The following CCDC39 variants were observed in gnomAD, a reference collection of about 807,000 sequenced individuals.
CCDC39 encodes coiled-coil domain 39 molecular ruler complex subunit.
A neutral mutation model predicts 121.0 loss-of-function variants in CCDC39; 113 were observed. The observed-to-expected ratio is 0.93, with a 90% CI of 0.80 to 1.09. The LOEUF (loss-of-function observed/expected upper bound fraction) is 1.09, where lower values mean the gene tolerates loss of function less well. Ranked by LOEUF, CCDC39 falls within the 50% of genes least tolerant of loss-of-function variation. The pLI, the probability that CCDC39 is intolerant of heterozygous loss-of-function variation, is 0.00. For missense variants in CCDC39, 1,063 were observed against 1,074.7 expected, an observed-to-expected ratio of 0.99 and a Z score of 0.15; for synonymous variants, 349 against 352.2, an observed-to-expected ratio of 0.99 and a Z score of 0.10.
intron 13 of CCDC39, among the ~76,000 whole-genome samples, chr3:180,636,816 A>C (rs1481523069): frequency 2.6e-5 from 4 of 152,168 alleles, no homozygotes; most frequent in Non-Finnish European, 4.4e-5. Context: ...ACTGAGAAAA[A>C]CTATCAGTGG....
At chr3:180,674,462 C>A (rs1165297621) in intron 1 of CCDC39, among the ~76,000 whole-genome samples, 3 of 152,062 alleles carry the variant, frequency 2.0e-5, no homozygotes, top group African/African-American at 7.2e-5. Flanking sequence ...TAATTGAATA[C>A]CCTTTATTTC....
chr3:180,663,444 G>A (rs74929734), intron 2 of CCDC39, among the ~76,000 whole-genome samples: 14,098 of 151,918 alleles, frequency 0.093, 1,118 homozygotes, highest in East Asian at 0.4. Flanking sequence ...AGGCTGAGGC[G>A]GGAGGATCAC....
At chr3:180,678,139 A>T (rs538068730) in intron 1 of CCDC39, among the ~76,000 whole-genome samples, 3 of 152,246 alleles carry the variant, frequency 2.0e-5, no homozygotes, top group African/African-American at 7.2e-5. Context: ...TCCGCTTTAC[A>T]AAAAAAGAAG....
Position 180,616,972 on chromosome 3 carries a change from G to GA in CCDC39, c.2266-7dup, listed in dbSNP as rs1287389353. On this transcript the variant is annotated splice_polypyrimidine_tract_variant and splice_region_variant and intron_variant, in intron 16 of 19. Transcript: ENST00000476379. The stretch of plus-strand genomic sequence containing the variant: ...TCTAATGTATTTTCCATGCTCTGTA[G>GA]AAAAAATATTAACATGTATTTTTTA... 1.6e-6 allele frequency: 2 copies of GA among 1,277,058 alleles called. No homozygotes were observed. Among genetic ancestry groups the GA allele is most frequent in the Non-Finnish European group, 1.1e-6 (1 of 940,856 alleles). 79.1% of individuals were successfully genotyped at this position (1,277,058 alleles called of 1,614,324 possible).
chr3:180,659,597 AAAG>A lies in CCDC39; in HGVS notation c.610-20_610-18del. 6.2e-7 allele frequency: 1 copy of A among 1,608,542 alleles called. No individual in the cohort carries two copies. The highest frequency in any genetic ancestry group is 8.5e-7 in the Non-Finnish European group (1 of 1,177,404). Reference sequence around the variant, plus strand: ...CAATTCTAACTGTCAAACAGAGAGCAAAGAACATTTCTGTGAATTTAAGTGGTT... The same window carrying A: ...CAATTCTAACTGTCAAACAGAGAGCAAACATTTCTGTGAATTTAAGTGGTT... On this transcript the variant is annotated intron_variant, in intron 5 of 19. Transcript: ENST00000476379.
intron 13 of CCDC39, 46 bp downstream of exon 13, chr3:180,641,947 C>T: frequency 1.4e-6 from 2 of 1,382,588 alleles, no homozygotes; most frequent in Non-Finnish European, 2.0e-6. Context: ...CTCCTGACAT[C>T]ATCCTGTTTT....
At chr3:180,670,829 G>A (rs1363308287) in intron 1 of CCDC39, among the ~76,000 whole-genome samples, 2 of 152,094 alleles carry the variant, frequency 1.3e-5, no homozygotes, top group African/African-American at 4.8e-5. Context: ...ACTAGCTAAA[G>A]CAGGGATGAA....
chr3:180,655,410 A>G (rs1711557088), intron 6 of CCDC39, among the ~76,000 whole-genome samples: 1 of 152,236 alleles, frequency 6.6e-6, no homozygotes, highest in African/African-American at 2.4e-5. Context: ...TAGAGACAAT[A>G]ATAAATAGAA....
At chr3:180,673,613 C>T (rs929623823) in intron 1 of CCDC39, among the ~76,000 whole-genome samples, 2 of 152,126 alleles carry the variant, frequency 1.3e-5, no homozygotes, top group Admixed American at 1.3e-4. Flanking sequence ...TTTATTGCAA[C>T]GTTCATTTTG....
chr3:180,639,417 A>G (rs565070027), intron 13 of CCDC39, among the ~76,000 whole-genome samples: 9 of 152,250 alleles, frequency 5.9e-5, no homozygotes, highest in African/African-American at 2.2e-4. Context: ...AAAATGTGGT[A>G]TATATACACC....
At chr3:180,621,219 A>G (rs1245571336) in intron 14 of CCDC39, among the ~76,000 whole-genome samples, 4 of 152,154 alleles carry the variant, frequency 2.6e-5, no homozygotes, top group Non-Finnish European at 5.9e-5. Flanking sequence ...CAGTGCTGCA[A>G]TAAACATAGG....
At chr3:180,642,943 A>C (rs1576942061) in intron 12 of CCDC39, among the ~76,000 whole-genome samples, 2 of 151,928 alleles carry the variant, frequency 1.3e-5, no homozygotes, top group East Asian at 3.8e-4. Context: ...AAATATTTAC[A>C]ATATTTATGA....
At position 180,644,173 on chromosome 3, in the gene CCDC39, G is replaced by C. The variant is rs377319302; in HGVS notation, c.1612C>G (p.Leu538Val). The change falls in exon 12 of 20, where the codon CTT becomes GTT. Residue 538 changes from leucine to valine, a missense_variant. Leu to Val is a conservative substitution (Grantham distance 32). Transcript: ENST00000476379. ...TCTTTCTCTGATCTGTCGATGAAAA[G>C]GTTTAGTTCATTTATTTTGGTCATA... The part of the protein sequence containing the change: ...SLMTKINELN[L>V]FIDRSEKELD... 398 of 1,543,608 alleles carry C rather than the reference G, an allele frequency of 2.6e-4. No homozygotes were observed. The highest frequency in any genetic ancestry group is 3.4e-4 in the Non-Finnish European group (389 of 1,143,582).
At chr3:180,677,166 TTTTATATATATATATATA>T (rs1712245886) in intron 1 of CCDC39, among the ~76,000 whole-genome samples, 2 of 40,920 alleles carry the variant, frequency 4.9e-5, no homozygotes, top group African/African-American at 2.3e-4. Flanking sequence ...ATAATAATAA[TTTTATATATATATATATA>T]TATATATATA....
In CCDC39 at chr3:180,614,973, G is replaced by A; in HGVS notation, c.2774C>T (p.Ser925Phe). The change falls in exon 20 of 20, where the codon TCT (serine) becomes TTT (phenylalanine). Residue 925 changes from serine (S) to phenylalanine (F), a missense_variant. Ser to Phe is a radical substitution (Grantham distance 155). Coordinates refer to ENST00000476379, the MANE Select transcript of CCDC39 (RefSeq NM_181426.2). ...ATTACTAGAGCTACTACTAGCACTA[G>A]ATGGCCTAGAAGGGCTGCCTACTAG... is the stretch of plus-strand genomic sequence containing the variant. ...SSLVGSPSRP[S>F]SASSSSSNVK... 1 of 1,566,576 alleles carries A rather than the reference G, an allele frequency of 6.4e-7. No homozygotes were observed. Among genetic ancestry groups the A allele is most frequent in the Non-Finnish European group, 8.7e-7 (1 of 1,153,660 alleles).
Position 180,679,163 on chromosome 3 carries a change from G to A in CCDC39, c.90+128C>T, listed in dbSNP as rs1285632915. On this transcript the variant is annotated intron_variant, in intron 1 of 19. Transcript: ENST00000476379. The surrounding 1 kb of genome is among the most constrained non-coding windows in gnomAD (Gnocchi z 4.0). ...GGTAAGGGAGGAGGGCGATGGTGCGGGGGAGTGTTAGAGGAAGCACAGGAT... is the reference window on the plus strand; with the variant it reads ...GGTAAGGGAGGAGGGCGATGGTGCGAGGGAGTGTTAGAGGAAGCACAGGAT... 7 of 758,844 alleles carry A rather than the reference G, an allele frequency of 9.2e-6. No homozygotes were observed. Among genetic ancestry groups the A allele is most frequent in the Non-Finnish European group, 1.7e-5 (7 of 413,218 alleles). 47.0% of individuals were successfully genotyped at this position (758,844 alleles called of 1,614,324 possible).
chr3:180,665,653 G>A (rs908283795), intron 1 of CCDC39, among the ~76,000 whole-genome samples: 1 of 151,552 alleles, frequency 6.6e-6, no homozygotes, highest in African/African-American at 2.4e-5. Flanking sequence ...AGGCATTTAA[G>A]GCTATATGTT....
At chr3:180,643,499 T>C (rs1487992395) in intron 12 of CCDC39, among the ~76,000 whole-genome samples, 2 of 152,122 alleles carry the variant, frequency 1.3e-5, no homozygotes, top group East Asian at 1.9e-4. Flanking sequence ...AACAATGAGA[T>C]ACCATGTTTA....
Position 180,679,211 on chromosome 3 carries a change from G to T in CCDC39, c.90+80C>A. ...GATTAGGAAAGGAGAGAAATAAAAGGGCTGGGGTAGTACTGCCAACCAGAA... is the reference window on the plus strand; with the variant it reads ...GATTAGGAAAGGAGAGAAATAAAAGTGCTGGGGTAGTACTGCCAACCAGAA... On this transcript the variant is annotated intron_variant, in intron 1 of 19. Coordinates refer to ENST00000476379, the MANE Select transcript of CCDC39 (RefSeq NM_181426.2). The surrounding 1 kb of genome is among the most constrained non-coding windows in gnomAD (Gnocchi z 4.0). The T allele has an allele frequency of 9.9e-7, 1 of 1,009,566 alleles. No homozygotes were observed. Among genetic ancestry groups the T allele is most frequent in the Non-Finnish European group, 1.6e-6 (1 of 628,142 alleles). 62.5% of individuals were successfully genotyped at this position (1,009,566 alleles called of 1,614,324 possible). A position where few individuals can be genotyped will look rare whatever the true frequency, so the allele number is the denominator to read the frequency against.
Sources: gnomAD v4.1 joint callset for allele counts (sites outside exome capture counted in the v4.1 genomes callset) on GRCh38, gnomAD v4.1.1 for gene constraint, Gnocchi (gnomAD v3.1) non-coding constraint, MANE v1.5 for transcripts, NCBI Gene and HGNC (gene_info 2026-07-23, HGNC 2026-07-21) for gene names.